Variants in DAB2IP observed in about 807,000 individuals in gnomAD.
DAB2IP encodes disabled homolog 2-interacting protein.
DAB2IP carries 28 observed loss-of-function variants against 107.2 expected under a neutral mutation model. The ratio of observed to expected loss-of-function variants is 0.26; its 90% CI spans 0.19 to 0.36. The LOEUF (loss-of-function observed/expected upper bound fraction) is 0.36, where lower values mean the gene tolerates loss of function less well. Among genes scored for constraint, DAB2IP ranks in the 10% least tolerant of loss-of-function variants. The pLI is 1.00. For missense variants in DAB2IP, 1,400 were observed against 1,644.7 expected, an observed-to-expected ratio of 0.85 and a Z score of 2.57; for synonymous variants, 755 against 706.4, an observed-to-expected ratio of 1.07 and a Z score of -1.09.
At chr9:121,674,443 G>C (rs1833805342) in intron 1 of DAB2IP, among the ~76,000 whole-genome samples, 1 of 152,186 alleles carries the variant, frequency 6.6e-6, no homozygotes, top group Non-Finnish European at 1.5e-5. Flanking sequence ...TGGGAGACTG[G>C]AGAGGTCAGG....
rs1326284137 is a variant in DAB2IP at position 121,772,923 on chromosome 9, A to G, written c.2395A>G (p.Thr799Ala). 1.9e-6 allele frequency: 3 copies of G among 1,563,216 alleles called. No individual in the cohort carries two copies. Among genetic ancestry groups the G allele is most frequent in the Middle Eastern group, 1.7e-4 (1 of 5,816 alleles). ...CCCAGTGAACCTGGCAGGGCTGGCCACGGTGCGGCGGGCAGGCCAGACACC... is the reference window on the plus strand; with the variant it reads ...CCCAGTGAACCTGGCAGGGCTGGCCGCGGTGCGGCGGGCAGGCCAGACACC... The change falls in exon 12 of 16, where the codon ACG becomes GCG. Residue 799 changes from threonine (T) to alanine (A), a missense_variant. By Grantham distance (58) the Thr-to-Ala change is moderately conservative (BLOSUM62 0). Coordinates refer to ENST00000408936, the Ensembl canonical transcript of DAB2IP. The surrounding 1 kb of genome is among the most constrained non-coding windows in gnomAD (Gnocchi z 4.7).
In DAB2IP at chr9:121,773,291, G is replaced by GCCCCCCCCCCCCCCCCCCCCCC; in HGVS notation, c.2768_2769insCCCCCCCCCCCCCCCCCCCCCC (p.Ala930ProfsTer37). The GCCCCCCCCCCCCCCCCCCCCCC allele has an allele frequency of 6.6e-7, 1 of 1,511,558 alleles. No homozygotes were observed. The highest frequency in any genetic ancestry group is 2.0e-5 in the Admixed American group (1 of 49,294). The allele number at this position is 1,511,558 out of a possible 1,614,324, so 93.6% of individuals were successfully genotyped here. ...CCCAGAGGAGGATCGACCAGCCTCC[G>GCCCCCCCCCCCCCCCCCCCCCC]CCCCCACCCCCGCCGCCACCTCCTG... On this transcript the variant is annotated frameshift_variant, in exon 12 of 16. Transcript: ENST00000408936. LOFTEE classifies it high-confidence loss of function.
rs1420501930 is a variant in DAB2IP, at chr9:121,698,053, A to G, written c.229-1272A>G. Among the ~76,000 whole-genome samples, 1 of 152,226 alleles carries G rather than the reference A, an allele frequency of 6.6e-6. No homozygotes were observed. Among genetic ancestry groups the G allele is most frequent in the Non-Finnish European group, 1.5e-5 (1 of 68,034 alleles). On this transcript the variant is annotated intron_variant, in intron 2 of 15. Transcript: ENST00000408936. The surrounding 1 kb of genome is among the most constrained non-coding windows in gnomAD (Gnocchi z 4.1). The stretch of plus-strand genomic sequence containing the variant: ...TGTTGAAGATGGACAGATACAGCCC[A>G]GGGCCTGTGCCAAACATCCACTGCT...
chr9:121,668,385 G>A (rs888749659), intron 1 of DAB2IP, among the ~76,000 whole-genome samples: 4 of 151,924 alleles, frequency 2.6e-5, no homozygotes, highest in African/African-American at 7.3e-5. Context: ...TGACACGCAT[G>A]CATTACCACA....
chr9:121,780,396 A>G (rs1835525835), intron 14 of DAB2IP, among the ~76,000 whole-genome samples: 2 of 151,850 alleles, frequency 1.3e-5, no homozygotes, highest in South Asian at 4.2e-4. Flanking sequence ...TGCTGCCCCC[A>G]TTACAGTCCC....
intron 1 of DAB2IP, among the ~76,000 whole-genome samples, chr9:121,628,362 C>G (rs1831746977): frequency 6.6e-6 from 1 of 152,250 alleles, no homozygotes; most frequent in African/African-American, 2.4e-5. Context: ...GACTCTGCCT[C>G]TGGGTGGAAG....
chr9:121,769,329 C>A (rs1016251414), intron 10 of DAB2IP, among the ~76,000 whole-genome samples: 4 of 152,220 alleles, frequency 2.6e-5, no homozygotes, highest in African/African-American at 9.6e-5. Context: ...GGTATGCAGC[C>A]TTCTGGACAC....
intron 1 of DAB2IP, among the ~76,000 whole-genome samples, chr9:121,670,945 G>C (rs1299890345): frequency 6.6e-6 from 1 of 152,186 alleles, no homozygotes; most frequent in African/African-American, 2.4e-5. Context: ...GAGGTCAAGA[G>C]ATCGAGACCA....
intron 3 of DAB2IP, among the ~76,000 whole-genome samples, chr9:121,726,291 T>C (rs1831233457): frequency 6.6e-6 from 1 of 152,206 alleles, no homozygotes; most frequent in African/African-American, 2.4e-5. Context: ...GCTGAATGCT[T>C]GGAGGTTCCT....
intron 1 of DAB2IP, among the ~76,000 whole-genome samples, chr9:121,601,923 C>T (rs1374512358): frequency 6.6e-6 from 1 of 151,792 alleles, no homozygotes; most frequent in Non-Finnish European, 1.5e-5. Context: ...CGTGTGTGCT[C>T]CTGGGACTGG....
At chr9:121,705,344 T>C (rs1830006753) in intron 3 of DAB2IP, among the ~76,000 whole-genome samples, 1 of 152,224 alleles carries the variant, frequency 6.6e-6, no homozygotes, top group Non-Finnish European at 1.5e-5. Flanking sequence ...GTGCATTTAA[T>C]TGAGTTAATA....
At chr9:121,780,102 T>C (rs990376577) in intron 14 of DAB2IP, among the ~76,000 whole-genome samples, 30 of 152,214 alleles carry the variant, frequency 2.0e-4, no homozygotes, top group African/African-American at 6.8e-4. Context: ...CCCAGGCTGG[T>C]CTTGAACTCC....
Position 121,772,553 on chromosome 9 carries a change from A to C in DAB2IP, c.2079-54A>C. On this transcript the variant is annotated intron_variant, in intron 11 of 15. Coordinates refer to ENST00000408936, the Ensembl canonical transcript of DAB2IP. This position sits in a 1 kb window ranked among gnomAD's most constrained non-coding sequence, Gnocchi z 4.7. ...GTCGGTTTGGACCCGCCTTGGCTGC[A>C]CTCACAGTTCTTCTTTTCCCCTTCT... 1.3e-6 allele frequency: 2 copies of C among 1,559,824 alleles called. No homozygotes were observed. The highest frequency in any genetic ancestry group is 2.3e-5 in the East Asian group (1 of 44,314).
At chr9:121,652,735 C>T (rs1220445717) in intron 1 of DAB2IP, among the ~76,000 whole-genome samples, 2 of 152,096 alleles carry the variant, frequency 1.3e-5, no homozygotes, top group Non-Finnish European at 2.9e-5. Context: ...AGTGGGAAGC[C>T]GGGCCCTGTG....
At chr9:121,778,121 G>A (rs1247315406) in intron 14 of DAB2IP, among the ~76,000 whole-genome samples, 1 of 152,198 alleles carries the variant, frequency 6.6e-6, no homozygotes, top group Non-Finnish European at 1.5e-5. Flanking sequence ...CAGATTCAGG[G>A]TATAGTGACT....
At chr9:121,783,990 A>G in exon 16 of DAB2IP, 1 of 217,782 alleles carries the variant, frequency 4.6e-6, no homozygotes, top group South Asian at 8.8e-5. Context: ...CTGCCCCTGC[A>G]GCTGGAATGT....
rs7850548 is a variant in DAB2IP, at chr9:121,698,149, T to G, written c.229-1176T>G. 2.4e-4 allele frequency among the ~76,000 whole-genome samples: 37 copies of G among 152,206 alleles called. No homozygotes were observed. The highest frequency in any genetic ancestry group is 8.2e-4 in the African/African-American group (34 of 41,436). The stretch of plus-strand genomic sequence containing the variant: ...GATGGATGGAATGTGGTATTTGGAT[T>G]ATGTACATTAACCTCAAATTAAATT... On this transcript the variant is annotated intron_variant, in intron 2 of 15. Transcript: ENST00000408936. This position sits in a 1 kb window ranked among gnomAD's most constrained non-coding sequence, Gnocchi z 4.1.
At chr9:121,645,956 G>A (rs1398065160) in intron 1 of DAB2IP, among the ~76,000 whole-genome samples, 1 of 152,140 alleles carries the variant, frequency 6.6e-6, no homozygotes, top group Non-Finnish European at 1.5e-5. Context: ...TTAACACGTG[G>A]AAACCTGAGA....
chr9:121,741,434 G>A lies in DAB2IP; in HGVS notation c.363-15579G>A, dbSNP rs116069116. Among the ~76,000 whole-genome samples, 651 of 152,318 alleles carry A rather than the reference G, an allele frequency of 4.3e-3. 4 individuals carry two copies. The highest frequency in any genetic ancestry group is 0.015 in the African/African-American group (612 of 41,558). ...CACTTATGCTGCCTCCTGACAGCCT[G>A]TGTGGCTTTAGGCTCTCGCTTCCCT... On this transcript the variant is annotated intron_variant, in intron 3 of 15. Transcript: ENST00000408936.
Sources: gnomAD v4.1 joint callset for allele counts (sites outside exome capture counted in the v4.1 genomes callset) on GRCh38, gnomAD v4.1.1 for gene constraint, Gnocchi (gnomAD v3.1) non-coding constraint, MANE v1.5 for transcripts, NCBI Gene and HGNC (gene_info 2026-07-23, HGNC 2026-07-21) for gene names.